The following PCDHA11 variants were observed in gnomAD, a reference collection of about 807,000 sequenced individuals.
The protein encoded by PCDHA11 is protocadherin alpha-11.
Under a neutral mutation model 70.3 loss-of-function variants are expected in PCDHA11, and 61 were observed. The observed-to-expected ratio is 0.87, with a 90% CI of 0.71 to 1.07. PCDHA11 has a LOEUF of 1.07. PCDHA11 is among the 50% of genes least tolerant of loss of function. The pLI, the probability that PCDHA11 is intolerant of heterozygous loss-of-function variation, is 0.00. For synonymous variants in PCDHA11, 633 were observed against 555.1 expected, an observed-to-expected ratio of 1.14 and a Z score of -1.97; for missense variants, 1,324 against 1,237.5, an observed-to-expected ratio of 1.07 and a Z score of -1.05.
At chr5:140,904,154 C>T (rs1163595423) in intron 1 of PCDHA11, among the ~76,000 whole-genome samples, 1 of 152,060 alleles carries the variant, frequency 6.6e-6, no homozygotes, top group Non-Finnish European at 1.5e-5. Flanking sequence ...ACATTGCACC[C>T]AGTTTGTAGT....
Position 140,966,719 on chromosome 5 carries a change from G to A in PCDHA11, c.2392-12230G>A, listed in dbSNP as rs373995406. On this transcript the variant is annotated intron_variant, in intron 1 of 3. Coordinates refer to ENST00000398640, the MANE Select transcript of PCDHA11 (RefSeq NM_018902.5). ...CCGGGCGTGGGGCACGGCTGGGGAA[G>A]CTGCCGCCTCCGGCCCTGCCCGGCT... 7.2e-6 allele frequency: 10 copies of A among 1,395,512 alleles called. No individual in the cohort carries two copies. The East Asian group carries it at 1.1e-4, about 16-fold the overall frequency. 86.4% of individuals were successfully genotyped at this position (1,395,512 alleles called of 1,614,324 possible).
intron 3 of PCDHA11, among the ~76,000 whole-genome samples, chr5:140,998,072 C>T (rs1554256158): frequency 6.6e-6 from 1 of 152,168 alleles, no homozygotes; most frequent in African/African-American, 2.4e-5. Context: ...CAGACTTAGC[C>T]TCTGCAGTTG....
At chr5:140,936,425 T>C (rs1471918068) in intron 1 of PCDHA11, among the ~76,000 whole-genome samples, 2 of 152,244 alleles carry the variant, frequency 1.3e-5, no homozygotes, top group Non-Finnish European at 2.9e-5. Flanking sequence ...TAATTTTAAT[T>C]AATTTAAGCT....
chr5:141,008,837 C>G (rs1460664317), intron 3 of PCDHA11, among the ~76,000 whole-genome samples: 1 of 152,178 alleles, frequency 6.6e-6, no homozygotes, highest in Non-Finnish European at 1.5e-5. Flanking sequence ...CATCCTCTTA[C>G]GCTGTGTATT....
intron 3 of PCDHA11, among the ~76,000 whole-genome samples, chr5:140,991,755 C>T (rs2153897425): frequency 6.6e-6 from 1 of 152,268 alleles, no homozygotes; most frequent in South Asian, 2.1e-4. Context: ...TTCTATCATG[C>T]TCTTCAAAAT....
rs782552854 is a variant in PCDHA11 at position 140,871,077 on chromosome 5, G to GACGGCC, written c.1983_1988dup (p.Ala662_Thr663dup). The GACGGCC allele has an allele frequency of 3.7e-6, 6 of 1,613,222 alleles. No homozygotes were observed. The highest frequency in any genetic ancestry group is 5.1e-6 in the Non-Finnish European group (6 of 1,179,852). On this transcript the variant is annotated inframe_insertion, in exon 1 of 4. Coordinates refer to ENST00000398640, the MANE Select transcript of PCDHA11 (RefSeq NM_018902.5). Reference sequence around the variant, plus strand: ...TGAAGGATCACGGTGAGCCGGCGCTGACGGCCACGGCCACCGTGCTGGTGT... The same window carrying GACGGCC: ...TGAAGGATCACGGTGAGCCGGCGCTGACGGCCACGGCCACGGCCACCGTGCTGGTGT...
At chr5:140,973,208 C>T (rs2096576751) in intron 1 of PCDHA11, among the ~76,000 whole-genome samples, 1 of 152,170 alleles carries the variant, frequency 6.6e-6, no homozygotes, top group African/African-American at 2.4e-5. Flanking sequence ...TGCATATTCA[C>T]CCTAATTCCA....
At chr5:140,888,551 T>G (rs2061873493) in intron 1 of PCDHA11, among the ~76,000 whole-genome samples, 1 of 152,240 alleles carries the variant, frequency 6.6e-6, no homozygotes, top group Admixed American at 6.5e-5. Flanking sequence ...TACCAATTTA[T>G]TCCTTTCAAG....
At chr5:140,980,948 G>C (rs72802987) in intron 2 of PCDHA11, among the ~76,000 whole-genome samples, 1 of 152,206 alleles carries the variant, frequency 6.6e-6, no homozygotes, top group Non-Finnish European at 1.5e-5. Flanking sequence ...CTGGCTCCAG[G>C]ATAGTTACAC....
chr5:140,999,091 T>G (rs1342614556), intron 3 of PCDHA11, among the ~76,000 whole-genome samples: 1 of 152,208 alleles, frequency 6.6e-6, no homozygotes, highest in South Asian at 2.1e-4. Flanking sequence ...TTCAGAGGGC[T>G]ATGGAGAGTA....
rs185567567 is a variant in PCDHA11, at chr5:140,888,396, T to C, written c.2391+16902T>C. 3.4e-3 allele frequency among the ~76,000 whole-genome samples: 514 copies of C among 152,282 alleles called. 3 individuals are homozygous for C. The highest frequency in any genetic ancestry group is 0.014 in the Middle Eastern group (4 of 294). On this transcript the variant is annotated intron_variant, in intron 1 of 3. Coordinates refer to ENST00000398640, the MANE Select transcript of PCDHA11 (RefSeq NM_018902.5). The stretch of plus-strand genomic sequence containing the variant: ...AGCTCTGAGATGCTGCTAAACACCA[T>C]CCAATTGCTGCCAAACATCCTACCG...
intron 1 of PCDHA11, chr5:140,877,544 C>A (rs782624202): frequency 6.2e-7 from 1 of 1,613,676 alleles, no homozygotes; most frequent in African/African-American, 1.3e-5. Context: ...GATCCCGAAG[C>A]GGCTCTGGTG....
intron 1 of PCDHA11, among the ~76,000 whole-genome samples, chr5:140,972,657 CA>C (rs1342092810): frequency 2.8e-5 from 4 of 143,798 alleles, no homozygotes; most frequent in South Asian, 4.5e-4. Context: ...AAAAAGAAAC[CA>C]AATTTTTTTT....
At chr5:140,882,982 C>A (rs139888237) in intron 1 of PCDHA11, 2 of 1,614,148 alleles carry the variant, frequency 1.2e-6, no homozygotes, top group South Asian at 1.1e-5. Flanking sequence ...TGAATGACAA[C>A]GCCCCGGAAT....
At position 140,887,505 on chromosome 5, in the gene PCDHA11, T is replaced by G. The variant is rs185975578; in HGVS notation, c.2391+16011T>G. On this transcript the variant is annotated intron_variant, in intron 1 of 3. Transcript: ENST00000398640. ...GGCTTGCATAGTTTCTAATAAGATG[T>G]TTGCTTTTTTATATATGAGTCTTCC... Among the ~76,000 whole-genome samples, 465 of 152,304 alleles carry G rather than the reference T, an allele frequency of 3.1e-3. 3 individuals carry two copies. The highest frequency in any genetic ancestry group is 0.014 in the Middle Eastern group (4 of 294).
intron 3 of PCDHA11, among the ~76,000 whole-genome samples, chr5:140,990,912 A>G (rs1415853627): frequency 1.3e-5 from 2 of 152,148 alleles, no homozygotes; most frequent in African/African-American, 4.8e-5. Context: ...CAAGTTTTAT[A>G]AGTCTTTAAA....
chr5:140,917,260 G>A (rs2077984179), intron 1 of PCDHA11, among the ~76,000 whole-genome samples: 2 of 143,736 alleles, frequency 1.4e-5, no homozygotes, highest in South Asian at 4.4e-4. Flanking sequence ...CTCACCTGAT[G>A]TTTGGTTTTT....
At chr5:140,899,980 T>TG (rs1202261789) in intron 1 of PCDHA11, among the ~76,000 whole-genome samples, 49 of 152,074 alleles carry the variant, frequency 3.2e-4, no homozygotes, top group African/African-American at 1.1e-3. Flanking sequence ...GCTACTTTTT[T>TG]GATTTTTTTT....
chr5:140,896,980 C>A (rs2065827913), intron 1 of PCDHA11, among the ~76,000 whole-genome samples: 1 of 152,032 alleles, frequency 6.6e-6, no homozygotes, highest in South Asian at 2.1e-4. Context: ...ACAAACAAAC[C>A]AGTTATGCTC....
Sources: allele counts gnomAD v4.1 joint callset (sites outside exome capture counted in the v4.1 genomes callset), GRCh38; gene constraint gnomAD v4.1.1; transcripts MANE v1.5; gene names NCBI Gene and HGNC (gene_info 2026-07-23, HGNC 2026-07-21).